XRRA1: variants seen among roughly 807,000 people sequenced by gnomAD.
XRRA1 encodes the protein X-ray radiation resistance associated 1.
In XRRA1, 69 loss-of-function variants were observed where a neutral mutation model predicts 80.2. That is an observed-to-expected ratio of 0.86 (90% CI 0.71 to 1.05). XRRA1 has a LOEUF of 1.05. XRRA1 is among the 50% of genes least tolerant of loss of function. The probability of loss-of-function intolerance (pLI) is 0.00; values close to 1 mark genes in which losing one functional copy is unlikely to be tolerated. For synonymous variants in XRRA1, 348 were observed against 389.9 expected, an observed-to-expected ratio of 0.89 and a Z score of 1.27; for missense variants, 967 against 976.4, an observed-to-expected ratio of 0.99 and a Z score of 0.13.
At chr11:74,921,633 T>A (rs1940831074) in intron 7 of XRRA1, among the ~76,000 whole-genome samples, 1 of 152,180 alleles carries the variant, frequency 6.6e-6, no homozygotes, top group Non-Finnish European at 1.5e-5. Flanking sequence ...TTTGCTTAAA[T>A]GGGAATGCCA....
At chr11:74,894,540 C>T (rs1328344122) in intron 10 of XRRA1, among the ~76,000 whole-genome samples, 1 of 152,160 alleles carries the variant, frequency 6.6e-6, no homozygotes, top group African/African-American at 2.4e-5. Context: ...GGGAGGCAGG[C>T]ACCTTCTTCA....
intron 4 of XRRA1, 36 bp downstream of exon 4, chr11:74,936,848 G>C (rs763189525): frequency 6.3e-6 from 10 of 1,591,552 alleles, no homozygotes; most frequent in Non-Finnish European, 8.6e-6. Context: ...CACCCTAGCT[G>C]ATGTGCTGGC....
intron 10 of XRRA1, among the ~76,000 whole-genome samples, chr11:74,866,953 C>T (rs972210171): frequency 3.9e-5 from 6 of 152,096 alleles, no homozygotes; most frequent in Non-Finnish European, 8.8e-5. Context: ...GAAAACTTTC[C>T]AAATCTGGAG....
chr11:74,900,183 A>C (rs1318647040), intron 10 of XRRA1, among the ~76,000 whole-genome samples: 4 of 151,992 alleles, frequency 2.6e-5, no homozygotes, highest in Non-Finnish European at 5.9e-5. Flanking sequence ...TCAATAAAAT[A>C]AATAAATAAA....
intron 18 of XRRA1, 101 bp from the exon 19 acceptor site, chr11:74,843,554 T>G (rs987396787): frequency 6.8e-7 from 1 of 1,474,214 alleles, no homozygotes; most frequent in African/African-American, 1.4e-5. Flanking sequence ...AATGGGATGG[T>G]GTGGCAGGAG....
At chr11:74,912,388 A>G (rs1712084504) in intron 8 of XRRA1, among the ~76,000 whole-genome samples, 1 of 152,172 alleles carries the variant, frequency 6.6e-6, no homozygotes, top group Admixed American at 6.5e-5. Flanking sequence ...TTCCCCTAGG[A>G]CTGTCTGCTG....
intron 8 of XRRA1, chr11:74,910,928 GGAA>G (rs1331691980): frequency 6.5e-6 from 1 of 152,696 alleles, no homozygotes; most frequent in African/African-American, 2.4e-5. Context: ...ATAGTAGGTG[GGAA>G]GAAGTGCCAG....
At chr11:74,908,289 G>A (rs1253159668) in intron 8 of XRRA1, among the ~76,000 whole-genome samples, 5 of 152,152 alleles carry the variant, frequency 3.3e-5, no homozygotes, top group African/African-American at 7.2e-5. Context: ...GCCTGAAGTC[G>A]CATAGCTAGA....
At chr11:74,898,209 G>T (rs2052813851) in intron 10 of XRRA1, among the ~76,000 whole-genome samples, 1 of 152,032 alleles carries the variant, frequency 6.6e-6, no homozygotes, top group South Asian at 2.1e-4. Context: ...TAAAATAACG[G>T]GTTATAAGAT....
At chr11:74,943,304 CAG>C (rs1441075259) in intron 2 of XRRA1, among the ~76,000 whole-genome samples, 2 of 152,130 alleles carry the variant, frequency 1.3e-5, no homozygotes, top group African/African-American at 4.8e-5. Context: ...TTATTCTCTT[CAG>C]AGAGACAGGC....
At chr11:74,889,785 C>CAAAG (rs1317033015) in intron 10 of XRRA1, among the ~76,000 whole-genome samples, 2 of 152,220 alleles carry the variant, frequency 1.3e-5, no homozygotes, top group East Asian at 3.9e-4. Flanking sequence ...TTTAAACCAA[C>CAAAG]AAAGATCAAA....
intron 10 of XRRA1, among the ~76,000 whole-genome samples, chr11:74,866,223 A>ATTTT (rs199582383): frequency 6.6e-6 from 1 of 151,982 alleles, no homozygotes; most frequent in Non-Finnish European, 1.5e-5. Flanking sequence ...TCAAAAGAAC[A>ATTTT]TTTTTTTGGG....
At chr11:74,875,947 C>G (rs2045944103) in intron 10 of XRRA1, among the ~76,000 whole-genome samples, 1 of 152,218 alleles carries the variant, frequency 6.6e-6, no homozygotes, top group Admixed American at 6.5e-5. Flanking sequence ...CAGGGAAGGA[C>G]TGGCAGATAG....
At chr11:74,898,753 G>T (rs943816323) in intron 10 of XRRA1, among the ~76,000 whole-genome samples, 12 of 152,094 alleles carry the variant, frequency 7.9e-5, no homozygotes, top group African/African-American at 2.9e-4. Context: ...CACCACTGGA[G>T]CACCCAGATA....
At position 74,843,226 on chromosome 11, in the gene XRRA1, G is replaced by A; in HGVS notation, c.2377C>T (p.Pro793Ser). 1 of 1,559,280 alleles carries A rather than the reference G, an allele frequency of 6.4e-7. No individual in the cohort carries two copies. The highest frequency in any genetic ancestry group is 8.7e-7 in the Non-Finnish European group (1 of 1,151,570). The change falls in exon 19 of 19, where the codon CCC (proline) becomes TCC (serine). Residue 793 changes from proline (P) to serine (S), a missense_variant. By Grantham distance (74) the Pro-to-Ser change is moderately conservative. Transcript: ENST00000684022. ...TAGCCTTGTGAGTCACTGGCTGTGG[G>A]CTCCTGGCAGAACTCATCCATGAAC... is the stretch of plus-strand genomic sequence containing the variant. ...LEFMDEFCQE[P>S]TASDSQG
intron 1 of XRRA1, among the ~76,000 whole-genome samples, chr11:74,945,791 TTC>T (rs968059142): frequency 6.6e-6 from 1 of 151,480 alleles, no homozygotes; most frequent in Non-Finnish European, 1.5e-5. Flanking sequence ...ACATCTCTCT[TTC>T]TCTCTCTCTC....
At chr11:74,908,678 TG>T (rs1354831789) in intron 8 of XRRA1, among the ~76,000 whole-genome samples, 2 of 152,122 alleles carry the variant, frequency 1.3e-5, no homozygotes, top group African/African-American at 4.8e-5. Flanking sequence ...GTGGAGTAGG[TG>T]GACACGCAGC....
In XRRA1 at chr11:74,843,073, G is replaced by A; in HGVS notation, c.*127C>T. On this transcript the variant is annotated 3_prime_UTR_variant, in exon 19 of 19. Coordinates refer to ENST00000684022, the MANE Select transcript of XRRA1 (RefSeq NM_001378157.1). ...GGGGATGCCACCTTGTGGCCAGCAA[G>A]TGGGGCCCAGCTGAGCTCTGAGGCC... 2 of 1,312,854 alleles carry A rather than the reference G, an allele frequency of 1.5e-6. No individual in the cohort carries two copies. Among genetic ancestry groups the A allele is most frequent in the South Asian group, 3.1e-5 (2 of 64,808 alleles). The allele number at this position is 1,312,854 out of a possible 1,614,324, so 81.3% of individuals were successfully genotyped here. A position where few individuals can be genotyped will look rare whatever the true frequency, so the allele number is the denominator to read the frequency against.
intron 12 of XRRA1, among the ~76,000 whole-genome samples, chr11:74,853,451 A>G (rs1353129610): frequency 2.6e-5 from 4 of 152,196 alleles, no homozygotes; most frequent in South Asian, 2.1e-4. Context: ...TGCTACTTCT[A>G]TGCACAGTCT....
Sources: allele counts gnomAD v4.1 joint callset (sites outside exome capture counted in the v4.1 genomes callset), GRCh38; gene constraint gnomAD v4.1.1; transcripts MANE v1.5; gene names NCBI Gene and HGNC (gene_info 2026-07-23, HGNC 2026-07-21).